ADGRL3: variants seen among roughly 807,000 people sequenced by gnomAD.
ADGRL3 encodes the protein adhesion G protein-coupled receptor L3.
A neutral mutation model predicts 153.5 loss-of-function variants in ADGRL3; 62 were observed. The ratio of observed to expected loss-of-function variants is 0.40; its 90% CI spans 0.33 to 0.50. The LOEUF is 0.50. ADGRL3 is among the 20% of genes least tolerant of loss of function. ADGRL3 has a pLI of 0.47. For missense variants in ADGRL3, 1,641 were observed against 1,859.4 expected, an observed-to-expected ratio of 0.88 and a Z score of 2.16; for synonymous variants, 710 against 672.5, an observed-to-expected ratio of 1.06 and a Z score of -0.86.
At position 61,607,336 on chromosome 4, in the gene ADGRL3, C is replaced by T. The variant is rs571004962; in HGVS notation, c.473+19896C>T. Among the ~76,000 whole-genome samples, 8 of 152,258 alleles carry T rather than the reference C, an allele frequency of 5.3e-5. No homozygotes were observed. The East Asian group carries it at 1.5e-3, about 29-fold the overall frequency. On this transcript the variant is annotated intron_variant, in intron 5 of 26. Coordinates refer to ENST00000683033, the MANE Select transcript of ADGRL3 (RefSeq NM_001387552.1). Reference sequence around the variant, plus strand: ...CAATCTGGCCAGGCGCAGTGGCTCACACCTGTAATCCCAGCACTTTGGGAG... The same window carrying T: ...CAATCTGGCCAGGCGCAGTGGCTCATACCTGTAATCCCAGCACTTTGGGAG...
chr4:61,531,390 C>A (rs907256450), intron 4 of ADGRL3, among the ~76,000 whole-genome samples: 6 of 151,942 alleles, frequency 3.9e-5, no homozygotes, highest in Non-Finnish European at 8.8e-5. Flanking sequence ...CTCACTAATC[C>A]CCTTGGGATT....
At chr4:61,636,975 G>T (rs747037047) in intron 5 of ADGRL3, among the ~76,000 whole-genome samples, 1 of 152,030 alleles carries the variant, frequency 6.6e-6, no homozygotes, top group Non-Finnish European at 1.5e-5. Flanking sequence ...CTATTATAAG[G>T]TTCTTAGGTT....
intron 21 of ADGRL3, among the ~76,000 whole-genome samples, chr4:62,003,425 A>G (rs2099147239): frequency 6.6e-6 from 1 of 152,060 alleles, no homozygotes; most frequent in Non-Finnish European, 1.5e-5. Flanking sequence ...TGAGTGTCAA[A>G]CCCAGTTGGG....
chr4:61,314,932 A>G lies in ADGRL3; in HGVS notation c.-239-68192A>G, dbSNP rs1019875077. Among the ~76,000 whole-genome samples, 3 of 152,206 alleles carry G rather than the reference A, an allele frequency of 2.0e-5. No homozygotes were observed. In the East Asian group the frequency reaches 5.8e-4, roughly 29 times the overall value. ...GGTTGGAAATTGAATCTATTATCTG[A>G]TTATCTGTATCATTCATTAATTCAT... is the stretch of plus-strand genomic sequence containing the variant. On this transcript the variant is annotated intron_variant, in intron 1 of 26. Transcript: ENST00000683033.
intron 1 of ADGRL3, among the ~76,000 whole-genome samples, chr4:61,274,536 A>G (rs1276184664): frequency 6.6e-6 from 1 of 152,318 alleles, no homozygotes. Context: ...AATGCGTTGA[A>G]TAACTATATT....
intron 5 of ADGRL3, among the ~76,000 whole-genome samples, chr4:61,595,335 A>G (rs1003223661): frequency 1.3e-5 from 2 of 152,098 alleles, no homozygotes; most frequent in African/African-American, 2.4e-5. Flanking sequence ...CTGGGTATCA[A>G]TGGTGGTTTT....
intron 8 of ADGRL3, among the ~76,000 whole-genome samples, chr4:61,745,050 G>A (rs137949795): frequency 0.027 from 4,089 of 152,254 alleles, 118 homozygotes; most frequent in East Asian, 0.076. Context: ...ACCAAGACTC[G>A]AGAACTATGT....
chr4:61,452,502 T>C (rs578070040), intron 2 of ADGRL3, among the ~76,000 whole-genome samples: 2 of 152,314 alleles, frequency 1.3e-5, no homozygotes, highest in South Asian at 4.1e-4. Context: ...TTCTGTTGAT[T>C]TCTGAAACAG....
chr4:61,893,081 G>T (rs1407513801), intron 10 of ADGRL3, 123 bp downstream of exon 10: 7 of 428,738 alleles, frequency 1.6e-5, no homozygotes, highest in Admixed American at 4.4e-5. Flanking sequence ...CTCCCTCCTT[G>T]TCTCTTTCTT....
intron 5 of ADGRL3, among the ~76,000 whole-genome samples, chr4:61,641,802 A>G (rs927619015): frequency 6.6e-5 from 10 of 150,546 alleles, no homozygotes; most frequent in African/African-American, 2.4e-4. Flanking sequence ...GTATATACCC[A>G]GTAATGGGAT....
At chr4:61,965,189 G>A (rs2099001697) in intron 17 of ADGRL3, among the ~76,000 whole-genome samples, 1 of 151,772 alleles carries the variant, frequency 6.6e-6, no homozygotes, top group South Asian at 2.1e-4. Flanking sequence ...TGTAGAGATG[G>A]GGTTTTGCCA....
intron 3 of ADGRL3, among the ~76,000 whole-genome samples, chr4:61,510,749 T>C (rs1216018352): frequency 6.6e-6 from 1 of 152,220 alleles, no homozygotes; most frequent in Admixed American, 6.5e-5. Flanking sequence ...GGGGCTCTTT[T>C]TTGATTCCAC....
chr4:61,371,880 G>T (rs1232144993), intron 1 of ADGRL3, among the ~76,000 whole-genome samples: 1 of 152,158 alleles, frequency 6.6e-6, no homozygotes, highest in Non-Finnish European at 1.5e-5. Context: ...AGCAGATGTA[G>T]ATTTGGTCTT....
chr4:61,582,693 G>C (rs1299382204), intron 4 of ADGRL3, among the ~76,000 whole-genome samples: 1 of 151,520 alleles, frequency 6.6e-6, no homozygotes, highest in South Asian at 2.1e-4. Flanking sequence ...CCCAGGGAGA[G>C]ACAGAGAAAT....
chr4:61,278,796 G>T (rs2093599421), intron 1 of ADGRL3, among the ~76,000 whole-genome samples: 1 of 152,170 alleles, frequency 6.6e-6, no homozygotes, highest in African/African-American at 2.4e-5. Flanking sequence ...GTGAGCCACT[G>T]CACCTGGCCG....
intron 1 of ADGRL3, among the ~76,000 whole-genome samples, chr4:61,321,821 T>A (rs2095362539): frequency 6.6e-6 from 1 of 152,176 alleles, no homozygotes; most frequent in African/African-American, 2.4e-5. Flanking sequence ...GTGCATTGAC[T>A]GTATTTTAAT....
chr4:61,565,222 A>G (rs2098811631), intron 4 of ADGRL3, among the ~76,000 whole-genome samples: 1 of 152,164 alleles, frequency 6.6e-6, no homozygotes, highest in African/African-American at 2.4e-5. Flanking sequence ...CAGTGTATGT[A>G]TATACACACA....
At chr4:61,429,522 G>T (rs972741242) in intron 2 of ADGRL3, among the ~76,000 whole-genome samples, 2 of 152,028 alleles carry the variant, frequency 1.3e-5, no homozygotes, top group South Asian at 2.1e-4. Flanking sequence ...TAATTGAATT[G>T]GAATTAACCC....
intron 6 of ADGRL3, among the ~76,000 whole-genome samples, chr4:61,721,883 G>A (rs2096249377): frequency 6.6e-6 from 1 of 152,036 alleles, no homozygotes. Flanking sequence ...ATAGAAATTT[G>A]ATAGAAAGCC....
Sources: allele counts gnomAD v4.1 joint callset (sites outside exome capture counted in the v4.1 genomes callset), GRCh38; gene constraint gnomAD v4.1.1; transcripts MANE v1.5; gene names NCBI Gene and HGNC (gene_info 2026-07-23, HGNC 2026-07-21).